PACRG: variants seen among roughly 807,000 people sequenced by gnomAD.
PACRG encodes the protein parkin coregulated, also known as parkin coregulated gene protein.
A neutral mutation model predicts 29.7 loss-of-function variants in PACRG; 29 were observed. The observed-to-expected ratio is 0.98, with a 90% CI of 0.73 to 1.33. The LOEUF (loss-of-function observed/expected upper bound fraction) is 1.33. Among genes scored for constraint, PACRG ranks in the 40% most tolerant of loss-of-function variants. The probability of loss-of-function intolerance (pLI) is 0.00; values close to 1 mark genes in which losing one functional copy is unlikely to be tolerated. For synonymous variants in PACRG, 116 were observed against 118.7 expected (o/e 0.98, Z 0.15); for missense variants, 279 against 316.2 (o/e 0.88, Z 0.89).
chr6:163,314,440 C>T (rs555700706), intron 4 of PACRG, among the ~76,000 whole-genome samples: 4 of 152,256 alleles, frequency 2.6e-5, no homozygotes, highest in Non-Finnish European at 4.4e-5. Context: ...TTAAATCACA[C>T]GGAACGAACA....
intron 4 of PACRG, among the ~76,000 whole-genome samples, chr6:163,229,698 T>A (rs771840521): frequency 6.6e-5 from 10 of 152,210 alleles, no homozygotes; most frequent in South Asian, 4.1e-4. Context: ...TGAATAGTTC[T>A]AGGAGAACCC....
chr6:163,146,663 A>G (rs1446562006), intron 4 of PACRG, among the ~76,000 whole-genome samples: 1 of 152,194 alleles, frequency 6.6e-6, no homozygotes, highest in East Asian at 1.9e-4. Flanking sequence ...TAATAGTAAT[A>G]TGAATGGTTT....
At position 162,803,871 on chromosome 6, in the gene PACRG, G is replaced by A. The variant is rs186481934; in HGVS notation, c.157-10276G>A. On this transcript the variant is annotated intron_variant, in intron 1 of 4. Coordinates refer to ENST00000366888, the MANE Select transcript of PACRG (RefSeq NM_001080379.2). Reference sequence around the variant, plus strand: ...AAAATTTACCTCATTATCTCACTTTGGAGACTCTGTCTGAAGGAAATAATA... The same window carrying A: ...AAAATTTACCTCATTATCTCACTTTAGAGACTCTGTCTGAAGGAAATAATA... Among the ~76,000 whole-genome samples, 124 of 152,066 alleles carry A rather than the reference G, an allele frequency of 8.2e-4. No homozygotes were observed. In the East Asian group the frequency reaches 0.011, roughly 14 times the overall value.
intron 4 of PACRG, among the ~76,000 whole-genome samples, chr6:163,185,297 A>G (rs899448824): frequency 6.6e-6 from 1 of 152,202 alleles, no homozygotes; most frequent in Non-Finnish European, 1.5e-5. Flanking sequence ...GTAGAAAATT[A>G]AGCTAAGAAA....
In PACRG at chr6:163,179,908, G is replaced by A. The variant is rs559862433; in HGVS notation, c.613+90500G>A. On this transcript the variant is annotated intron_variant, in intron 4 of 4. Coordinates refer to ENST00000366888, the MANE Select transcript of PACRG (RefSeq NM_001080379.2). ...AAGTCTCCTTGCCCGAGGCCACACA[G>A]GCAGGAACCGCCAGGCACCCCGTCC... is the stretch of plus-strand genomic sequence containing the variant. Among the ~76,000 whole-genome samples, 5 of 152,278 alleles carry A rather than the reference G, an allele frequency of 3.3e-5. No individual in the cohort carries two copies. The South Asian group carries it at 1.0e-3, about 32-fold the overall frequency.
intron 4 of PACRG, among the ~76,000 whole-genome samples, chr6:163,207,673 A>G (rs1780962891): frequency 6.6e-6 from 1 of 152,150 alleles, no homozygotes; most frequent in African/African-American, 2.4e-5. Flanking sequence ...GTGTGCCCAG[A>G]TAGAATGGAG....
In PACRG at chr6:163,055,567, G is replaced by C. The variant is rs1585107479; in HGVS notation, c.292-6583G>C. Among the ~76,000 whole-genome samples the C allele has an allele frequency of 6.6e-6, 1 of 152,296 alleles. No homozygotes were observed. Among genetic ancestry groups the C allele is most frequent in the East Asian group, 1.9e-4 (1 of 5,186 alleles). ...ACAAAAAATCATCCTGTAGGAAGTAGAACTGTATCTACTGTGTTAAAAAAG... is the reference window on the plus strand; with the variant it reads ...ACAAAAAATCATCCTGTAGGAAGTACAACTGTATCTACTGTGTTAAAAAAG... On this transcript the variant is annotated intron_variant, in intron 2 of 4. Coordinates refer to ENST00000366888, the MANE Select transcript of PACRG (RefSeq NM_001080379.2). The surrounding 1 kb of genome is among the most constrained non-coding windows in gnomAD (Gnocchi z 4.0).
intron 2 of PACRG, among the ~76,000 whole-genome samples, chr6:163,028,575 T>C (rs2128226285): frequency 6.6e-6 from 1 of 152,274 alleles, no homozygotes; most frequent in African/African-American, 2.4e-5. Flanking sequence ...ACATATTAAA[T>C]ATGATTCACT....
chr6:162,909,554 CA>C (rs562001835), intron 2 of PACRG, among the ~76,000 whole-genome samples: 783 of 70,048 alleles, frequency 0.011, 1 homozygote, highest in African/African-American at 0.021. Flanking sequence ...GACTCCATCT[CA>C]AAAAAAAAAA....
intron 2 of PACRG, among the ~76,000 whole-genome samples, chr6:162,944,865 G>C (rs186425636): frequency 6.6e-6 from 1 of 151,916 alleles, no homozygotes; most frequent in African/African-American, 2.4e-5. Context: ...AAATTTTGGT[G>C]TACCAGAAGG....
At chr6:163,160,279 T>C (rs1189853093) in intron 4 of PACRG, among the ~76,000 whole-genome samples, 1 of 152,196 alleles carries the variant, frequency 6.6e-6, no homozygotes, top group East Asian at 1.9e-4. Flanking sequence ...GAAATATATC[T>C]CTGAGTAATA....
chr6:162,909,410 C>G (rs1054844030), intron 2 of PACRG, among the ~76,000 whole-genome samples: 3 of 151,962 alleles, frequency 2.0e-5, no homozygotes, highest in African/African-American at 7.3e-5. Context: ...AAAAAATTAG[C>G]CAGGCGTGGT....
intron 4 of PACRG, among the ~76,000 whole-genome samples, chr6:163,291,528 G>A (rs555264223): frequency 6.6e-6 from 1 of 152,374 alleles, no homozygotes; most frequent in Non-Finnish European, 1.5e-5. Flanking sequence ...GGCCCGCCCC[G>A]TTTCCTCAGG....
At chr6:162,742,917 G>C (rs889322404) in intron 1 of PACRG, among the ~76,000 whole-genome samples, 12 of 152,236 alleles carry the variant, frequency 7.9e-5, no homozygotes, top group African/African-American at 2.9e-4. Flanking sequence ...TTATATGGTA[G>C]TTTAAATTTT....
intron 4 of PACRG, among the ~76,000 whole-genome samples, chr6:163,152,642 C>A (rs1041467622): frequency 6.6e-6 from 1 of 152,196 alleles, no homozygotes; most frequent in Non-Finnish European, 1.5e-5. Flanking sequence ...CATCTACATT[C>A]TATTTCTTAC....
chr6:162,871,735 G>A (rs1011291195), intron 2 of PACRG, among the ~76,000 whole-genome samples: 8 of 151,922 alleles, frequency 5.3e-5, no homozygotes, highest in Non-Finnish European at 1.0e-4. Flanking sequence ...TGGCTAACAT[G>A]GTGAAACCCT....
At chr6:163,216,127 G>T (rs1182710936) in intron 4 of PACRG, among the ~76,000 whole-genome samples, 1 of 152,240 alleles carries the variant, frequency 6.6e-6, no homozygotes, top group Non-Finnish European at 1.5e-5. Context: ...TCCAGAGGAC[G>T]TGAGAAAGAA....
At chr6:163,239,772 A>AC (rs1234980082) in intron 4 of PACRG, among the ~76,000 whole-genome samples, 1 of 127,204 alleles carries the variant, frequency 7.9e-6, no homozygotes, top group African/African-American at 3.0e-5. Context: ...TCACACCTCC[A>AC]CCCCCACACA....
intron 4 of PACRG, among the ~76,000 whole-genome samples, chr6:163,147,367 CTTAT>C (rs1333592706): frequency 6.6e-6 from 1 of 152,096 alleles, no homozygotes; most frequent in Non-Finnish European, 1.5e-5. Flanking sequence ...ATGTGCTTTT[CTTAT>C]TTATTTAATC....
Sources: allele counts gnomAD v4.1 joint callset (sites outside exome capture counted in the v4.1 genomes callset), GRCh38; gene constraint gnomAD v4.1.1; non-coding constraint Gnocchi (gnomAD v3.1); transcripts MANE v1.5; gene names NCBI Gene and HGNC (gene_info 2026-07-23, HGNC 2026-07-21).